Variants in TSHR observed in about 807,000 individuals in gnomAD.
The protein encoded by TSHR is thyrotropin receptor.
A neutral mutation model predicts 64.1 loss-of-function variants in TSHR; 51 were observed. The ratio of observed to expected loss-of-function variants is 0.80; its 90% CI spans 0.64 to 1.01. The LOEUF is 1.01. TSHR is among the 50% of genes least tolerant of loss of function. TSHR has a pLI of 0.00. For missense variants in TSHR, 877 were observed against 942.8 expected, an observed-to-expected ratio of 0.93 and a Z score of 0.91; for synonymous variants, 361 against 361.9, an observed-to-expected ratio of 1.00 and a Z score of 0.03.
chr14:80,961,567 T>C (rs540260816), intron 1 of TSHR, among the ~76,000 whole-genome samples: 1 of 152,280 alleles, frequency 6.6e-6, no homozygotes, highest in African/African-American at 2.4e-5. Flanking sequence ...GATGAACATA[T>C]TAATGGACAA....
intron 9 of TSHR, among the ~76,000 whole-genome samples, chr14:81,141,854 C>A (rs1891702424): frequency 6.6e-6 from 1 of 152,092 alleles, no homozygotes; most frequent in Non-Finnish European, 1.5e-5. Context: ...GGTTTTAGAG[C>A]TTTGAATAGG....
At chr14:81,026,013 G>T (rs1481194092) in intron 1 of TSHR, among the ~76,000 whole-genome samples, 3 of 152,130 alleles carry the variant, frequency 2.0e-5, no homozygotes. Context: ...TGGCCTCAAG[G>T]AGCTCCTGAA....
chr14:81,107,891 C>A (rs1390733679), intron 7 of TSHR, among the ~76,000 whole-genome samples: 1 of 152,134 alleles, frequency 6.6e-6, no homozygotes, highest in South Asian at 2.1e-4. Context: ...CTAAATCTGA[C>A]AACTTTACCC....
In TSHR at chr14:81,096,713, T is replaced by A. The variant is rs766482242; in HGVS notation, c.614+6T>A. The A allele has an allele frequency of 6.2e-7, 1 of 1,613,168 alleles. No individual in the cohort carries two copies. Among genetic ancestry groups the A allele is most frequent in the Non-Finnish European group, 8.5e-7 (1 of 1,179,396 alleles). ...GGGACAAAGCTGGATGCTGTGTAAGTCAAGGGTAGCCATGAAAACTGTCAC... is the reference window on the plus strand; with the variant it reads ...GGGACAAAGCTGGATGCTGTGTAAGACAAGGGTAGCCATGAAAACTGTCAC... On this transcript the variant is annotated splice_donor_region_variant and intron_variant, in intron 7 of 9. Coordinates refer to ENST00000298171, the MANE Select transcript of TSHR (RefSeq NM_000369.5).
At chr14:81,044,087 G>C (rs147717238) in intron 1 of TSHR, among the ~76,000 whole-genome samples, 15,759 of 152,102 alleles carry the variant, frequency 0.1, 1,028 homozygotes, top group South Asian at 0.23. Flanking sequence ...TTGACAAATG[G>C]GATCTAATTA....
intron 1 of TSHR, among the ~76,000 whole-genome samples, chr14:80,957,470 A>G (rs566078646): frequency 6.6e-6 from 1 of 152,176 alleles, no homozygotes; most frequent in Non-Finnish European, 1.5e-5. Context: ...AAAAAACAAA[A>G]AAAAAAAAAC....
Position 81,092,515 on chromosome 14 carries a change from T to TC in TSHR, c.468-13dup, listed in dbSNP as rs767877585. 6.2e-7 allele frequency: 1 copy of TC among 1,613,698 alleles called. No individual in the cohort carries two copies. The highest frequency in any genetic ancestry group is 8.5e-7 in the Non-Finnish European group (1 of 1,179,610). ...AGCATTTTTTCATTAAGTGTTTTTG[T>TC]CCCTCTCTCTTGCAGTGAAATTACA... On this transcript the variant is annotated splice_polypyrimidine_tract_variant and intron_variant, in intron 5 of 9. Coordinates refer to ENST00000298171, the MANE Select transcript of TSHR (RefSeq NM_000369.5).
chr14:81,030,318 C>A (rs1237064879), intron 1 of TSHR, among the ~76,000 whole-genome samples: 5 of 152,130 alleles, frequency 3.3e-5, no homozygotes. Context: ...GAAAACTGAT[C>A]CTTCACTTAA....
At chr14:81,136,413 T>C (rs1278686258) in intron 8 of TSHR, among the ~76,000 whole-genome samples, 1 of 150,694 alleles carries the variant, frequency 6.6e-6, no homozygotes, top group Non-Finnish European at 1.5e-5. Flanking sequence ...CTTGAGGAAA[T>C]CCAACATTCC....
chr14:81,013,057 G>T (rs1171785160), intron 1 of TSHR: 1 of 152,110 alleles, frequency 6.6e-6, no homozygotes, highest in Admixed American at 6.5e-5. Context: ...TTTTCTTCTA[G>T]GGTTTTTATG....
At chr14:81,004,751 TG>T (rs1889507886) in intron 1 of TSHR, among the ~76,000 whole-genome samples, 1 of 150,756 alleles carries the variant, frequency 6.6e-6, no homozygotes, top group Non-Finnish European at 1.5e-5. Flanking sequence ...ATAGCCTGCC[TG>T]CCCCTCACTC....
At chr14:81,093,412 G>A (rs1888910486) in intron 6 of TSHR, among the ~76,000 whole-genome samples, 1 of 152,216 alleles carries the variant, frequency 6.6e-6, no homozygotes, top group Non-Finnish European at 1.5e-5. Flanking sequence ...AAGTCACAAA[G>A]TAGAGTTGGA....
intron 8 of TSHR, 127 bp from the exon 9 acceptor site, chr14:81,139,552 T>A: frequency 1.0e-6 from 1 of 959,552 alleles, no homozygotes; most frequent in East Asian, 2.6e-5. Flanking sequence ...TCAGCTTATG[T>A]ACTCAGTAGA....
At chr14:81,021,761 A>C (rs1883763936) in intron 1 of TSHR, among the ~76,000 whole-genome samples, 1 of 152,208 alleles carries the variant, frequency 6.6e-6, no homozygotes, top group African/African-American at 2.4e-5. Context: ...ACCACTCAGC[A>C]CACTTTTAAA....
chr14:81,132,874 A>G (rs993547513), intron 8 of TSHR, among the ~76,000 whole-genome samples: 3 of 151,994 alleles, frequency 2.0e-5, no homozygotes, highest in Admixed American at 2.0e-4. Context: ...AAAATACTAC[A>G]TGTTGACAGG....
rs990642278 is a variant in TSHR at position 81,012,933 on chromosome 14, T to C, written c.171-49215T>C. 1.4e-4 allele frequency: 22 copies of C among 152,096 alleles called. No homozygotes were observed. The South Asian group carries it at 1.5e-3, about 10-fold the overall frequency. 9.4% of individuals were successfully genotyped at this position (152,096 alleles called of 1,614,324 possible). A position where few individuals can be genotyped will look rare whatever the true frequency, so the allele number is the denominator to read the frequency against. On this transcript the variant is annotated intron_variant, in intron 1 of 9. Coordinates refer to ENST00000298171, the MANE Select transcript of TSHR (RefSeq NM_000369.5). ...GGTAGTTTCTTTTGCTGTGCAGAAG[T>C]TCTTTAGTTTAATTAGATCCCATTT...
At chr14:80,982,162 A>G in intron 1 of TSHR, 1 of 583,552 alleles carries the variant, frequency 1.7e-6, no homozygotes, top group Non-Finnish European at 3.2e-6. Context: ...GCAGAGATGA[A>G]GGCAGTGTCT....
chr14:81,014,872 G>A lies in TSHR; in HGVS notation c.171-47276G>A, dbSNP rs182176628. Among the ~76,000 whole-genome samples the A allele has an allele frequency of 1.6e-3, 251 of 152,302 alleles. 1 individual carries two copies. Among genetic ancestry groups the A allele is most frequent in the African/African-American group, 5.7e-3 (238 of 41,572 alleles). On this transcript the variant is annotated intron_variant, in intron 1 of 9. Transcript: ENST00000298171. ...CTGTAATGGCAGTGAGAAACTTCAC[G>A]AGTGTCCAGAAGAACAGAATTTATA...
intron 1 of TSHR, among the ~76,000 whole-genome samples, chr14:80,978,158 A>G (rs1038376091): frequency 4.0e-5 from 6 of 151,720 alleles, no homozygotes; most frequent in African/African-American, 1.5e-4. Context: ...TAAAGCATGA[A>G]CATTGCACAG....
Sources: gnomAD v4.1 joint callset for allele counts (sites outside exome capture counted in the v4.1 genomes callset) on GRCh38, gnomAD v4.1.1 for gene constraint, MANE v1.5 for transcripts, NCBI Gene and HGNC (gene_info 2026-07-23, HGNC 2026-07-21) for gene names.